Variants in DCDC1 observed in about 807,000 individuals in gnomAD.
DCDC1 encodes doublecortin domain-containing protein 1.
A neutral mutation model predicts 178.3 loss-of-function variants in DCDC1; 200 were observed. The ratio of observed to expected loss-of-function variants is 1.12; its 90% CI spans 1.00 to 1.26. The LOEUF is 1.26. DCDC1 is among the 50% of genes most tolerant of loss of function. The pLI is 0.00. For synonymous variants in DCDC1, 690 were observed against 604.8 expected, an observed-to-expected ratio of 1.14 and a Z score of -2.07; for missense variants, 1,983 against 1,749.2, an observed-to-expected ratio of 1.13 and a Z score of -2.38.
chr11:31,362,034 G>T (rs1378739407), intron 1 of DCDC1, among the ~76,000 whole-genome samples: 2 of 152,232 alleles, frequency 1.3e-5, no homozygotes, highest in African/African-American at 4.8e-5. Context: ...CTCTTCTTTT[G>T]CAGGATTACC....
chr11:31,015,794 A>G (rs1052022556), intron 20 of DCDC1, among the ~76,000 whole-genome samples: 12 of 152,156 alleles, frequency 7.9e-5, no homozygotes, highest in Admixed American at 2.0e-4. Flanking sequence ...TGGATTTCCA[A>G]TTGGGTGAAG....
chr11:31,341,227 T>C (rs1433335060), intron 1 of DCDC1, among the ~76,000 whole-genome samples: 1 of 152,120 alleles, frequency 6.6e-6, no homozygotes, highest in East Asian at 1.9e-4. Context: ...GAAACTTCTT[T>C]CACAGGTAGG....
chr11:31,087,199 T>C (rs182881620), intron 17 of DCDC1, among the ~76,000 whole-genome samples: 28 of 152,286 alleles, frequency 1.8e-4, no homozygotes, highest in Non-Finnish European at 2.9e-4. Flanking sequence ...ATCATCCCTT[T>C]AATAACTGCG....
chr11:31,213,940 G>A (rs1409385028), intron 9 of DCDC1, among the ~76,000 whole-genome samples: 1 of 151,936 alleles, frequency 6.6e-6, no homozygotes, highest in Non-Finnish European at 1.5e-5. Flanking sequence ...ATATATATAT[G>A]AATATGCCTA....
chr11:31,198,952 G>A (rs994480760), intron 9 of DCDC1, among the ~76,000 whole-genome samples: 3 of 151,586 alleles, frequency 2.0e-5, no homozygotes, highest in Non-Finnish European at 4.4e-5. Flanking sequence ...ACTTACTAAA[G>A]GGAAAAAACA....
chr11:30,940,626 A>C (rs1294494673), intron 21 of DCDC1, among the ~76,000 whole-genome samples: 1 of 152,080 alleles, frequency 6.6e-6, no homozygotes, highest in Non-Finnish European at 1.5e-5. Context: ...TAACATTTTT[A>C]ATATTATTAT....
intron 21 of DCDC1, among the ~76,000 whole-genome samples, chr11:30,938,380 C>G (rs1947413084): frequency 6.6e-6 from 1 of 152,170 alleles, no homozygotes; most frequent in South Asian, 2.1e-4. Flanking sequence ...TCAGCAGCAG[C>G]TTTTATCAAG....
intron 20 of DCDC1, among the ~76,000 whole-genome samples, chr11:31,014,533 A>T (rs1022521190): frequency 2.6e-5 from 4 of 152,178 alleles, no homozygotes; most frequent in Admixed American, 2.0e-4. Flanking sequence ...GGATCCTTAG[A>T]AACTATGTCA....
intron 29 of DCDC1, among the ~76,000 whole-genome samples, chr11:30,907,026 G>C (rs1447533247): frequency 6.6e-6 from 1 of 152,074 alleles, no homozygotes; most frequent in Non-Finnish European, 1.5e-5. Context: ...ACAATCAAGG[G>C]ATATCTTGTG....
At chr11:30,934,259 T>G (rs1366418569) in intron 21 of DCDC1, among the ~76,000 whole-genome samples, 1 of 152,196 alleles carries the variant, frequency 6.6e-6, no homozygotes, top group East Asian at 1.9e-4. Flanking sequence ...ACATATGTAT[T>G]GGGATCAAAA....
chr11:31,111,537 AT>A (rs1959175438), intron 11 of DCDC1, among the ~76,000 whole-genome samples: 2 of 152,290 alleles, frequency 1.3e-5, no homozygotes, highest in Non-Finnish European at 2.9e-5. Context: ...TGCACTGAGG[AT>A]TATTTTTAAG....
chr11:30,977,638 G>A (rs1284732681), intron 20 of DCDC1, among the ~76,000 whole-genome samples: 1 of 152,132 alleles, frequency 6.6e-6, no homozygotes, highest in Non-Finnish European at 1.5e-5. Context: ...CATTTAGAAA[G>A]GTTATTGCTG....
intron 20 of DCDC1, among the ~76,000 whole-genome samples, chr11:31,007,228 T>C (rs1466277164): frequency 6.6e-6 from 1 of 152,156 alleles, no homozygotes; most frequent in Non-Finnish European, 1.5e-5. Context: ...GAAAAGGAGT[T>C]TCTAGGAAAT....
chr11:30,876,720 T>C (rs1390940655), intron 38 of DCDC1, among the ~76,000 whole-genome samples: 1 of 152,166 alleles, frequency 6.6e-6, no homozygotes, highest in East Asian at 1.9e-4. Flanking sequence ...GCCATTTTCA[T>C]AGCAAATCAA....
intron 9 of DCDC1, among the ~76,000 whole-genome samples, chr11:31,176,658 T>C (rs923226055): frequency 4.6e-5 from 7 of 152,088 alleles, no homozygotes; most frequent in Non-Finnish European, 1.0e-4. Context: ...AAAAGAAAAG[T>C]ATCAAGTCAC....
At chr11:31,129,949 A>G (rs1451155637) in intron 10 of DCDC1, among the ~76,000 whole-genome samples, 2 of 152,120 alleles carry the variant, frequency 1.3e-5, no homozygotes, top group Non-Finnish European at 2.9e-5. Context: ...GTCTCTTCTC[A>G]CTGTCCCCTT....
In DCDC1 at chr11:31,117,705, C is replaced by CAA. The variant is rs71060476; in HGVS notation, c.1486-7346_1486-7345dup. Among the ~76,000 whole-genome samples, 1,154 of 146,556 alleles carry CAA rather than the reference C, an allele frequency of 7.9e-3. 14 individuals carry two copies. The highest frequency in any genetic ancestry group is 0.023 in the African/African-American group (912 of 39,830). ...ACAAAAAATAAGGCATATGTTTCTG[C>CAA]AAAAAAAAAACAAAAAATCAATTTG... On this transcript the variant is annotated intron_variant, in intron 11 of 38. Transcript: ENST00000684477.
chr11:31,047,661 A>C lies in DCDC1; in HGVS notation c.2591+16808T>G, dbSNP rs369842322. 7.2e-5 allele frequency among the ~76,000 whole-genome samples: 11 copies of C among 152,296 alleles called. No individual in the cohort carries two copies. In the East Asian group the frequency reaches 2.1e-3, roughly 29 times the overall value. ...AAAAACACATTTTTATAATGTGACT[A>C]TAGTTTGTCACTACTAAGTTATTTC... On this transcript the variant is annotated intron_variant, in intron 20 of 38. Transcript: ENST00000684477.
intron 9 of DCDC1, among the ~76,000 whole-genome samples, chr11:31,172,668 A>T (rs182671900): frequency 1.3e-5 from 2 of 152,324 alleles, no homozygotes; most frequent in Admixed American, 1.3e-4. Flanking sequence ...TCTTACAATA[A>T]CATAAGCTAG....
Sources: allele counts gnomAD v4.1 joint callset (sites outside exome capture counted in the v4.1 genomes callset), GRCh38; gene constraint gnomAD v4.1.1; transcripts MANE v1.5; gene names NCBI Gene and HGNC (gene_info 2026-07-23, HGNC 2026-07-21).